ZNF676: variants seen among roughly 807,000 people sequenced by gnomAD.
ZNF676 encodes zinc finger protein 676.
ZNF676 carries 4 observed loss-of-function variants against 6.0 expected under a neutral mutation model. That is an observed-to-expected ratio of 0.67 (90% CI 0.33 to 1.53). The LOEUF (loss-of-function observed/expected upper bound fraction) is 1.53. Ranked by LOEUF, ZNF676 falls within the 40% of genes most tolerant of loss-of-function variation. The pLI, the probability that ZNF676 is intolerant of heterozygous loss-of-function variation, is 0.06. For synonymous variants in ZNF676, 198 were observed against 223.1 expected, an observed-to-expected ratio of 0.89 and a Z score of 1.00; for missense variants, 644 against 679.7, an observed-to-expected ratio of 0.95 and a Z score of 0.58.
chr19:22,223,423 T>C, the ZNF676 span, among the ~76,000 whole-genome samples: 5 of 152,162 alleles, frequency 3.3e-5, no homozygotes, highest in Non-Finnish European at 7.3e-5. Context: ...ATTACAGATA[T>C]GAGCCAGGAT....
At chr19:22,219,707 G>C (rs2024228770), upstream of ZNF676, among the ~76,000 whole-genome samples, 2 of 151,766 alleles carry the variant, frequency 1.3e-5, no homozygotes, top group Non-Finnish European at 2.9e-5. Context: ...CCAGGCTGGA[G>C]TGCAATGTCA....
At position 22,196,613 on chromosome 19, in the gene ZNF676, G is replaced by A; in HGVS notation, c.21C>T (p.Asn7=). The A allele has an allele frequency of 6.2e-7, 1 of 1,613,696 alleles. No individual in the cohort carries two copies. Among genetic ancestry groups the A allele is most frequent in the Non-Finnish European group, 8.5e-7 (1 of 1,179,662 alleles). The change falls in exon 1 of 3, where the codon AAC becomes AAT. Residue 7 remains asparagine, a synonymous_variant. Coordinates refer to ENST00000397121, the MANE Select transcript of ZNF676 (RefSeq NM_001001411.3). The part of the protein sequence containing the change: MLENYR[N]LVFLGIAAFK... The stretch of plus-strand genomic sequence containing the variant: ...AGTTATTCTCACCCAGGAAGACCAG[G>A]TTTCTGTAGTTCTCTAACATCACAT...
At chr19:22,196,512 T>G (rs148423803) in intron 1 of ZNF676, 88 bp downstream of exon 1, 2 of 1,604,008 alleles carry the variant, frequency 1.2e-6, no homozygotes, top group Non-Finnish European at 1.7e-6. Context: ...ATTCTCGCAT[T>G]CATCCTCCTT....
chr19:22,238,545 C>T, the ZNF676 span, among the ~76,000 whole-genome samples: 7 of 152,072 alleles, frequency 4.6e-5, no homozygotes, highest in South Asian at 1.5e-3. Context: ...CCCGAAACAC[C>T]AGAATCAAAA....
At chr19:22,251,546 T>G in the ZNF676 span, among the ~76,000 whole-genome samples, 1 of 152,088 alleles carries the variant, frequency 6.6e-6, no homozygotes. Context: ...TCCCAGCACT[T>G]TGGGAGGCCG....
At chr19:22,193,192 T>A in intron 1 of ZNF676, 81 bp from the exon 2 acceptor site, 1 of 1,354,116 alleles carries the variant, frequency 7.4e-7, no homozygotes, top group African/African-American at 1.5e-5. Flanking sequence ...GTAAAGAGGA[T>A]GTAATAGAAT....
the ZNF676 span, among the ~76,000 whole-genome samples, chr19:22,239,506 A>C: frequency 6.6e-6 from 1 of 152,106 alleles, no homozygotes; most frequent in East Asian, 1.9e-4. Flanking sequence ...TTGGTGTGTG[A>C]GATTTAGAAC....
chr19:22,201,976 G>T (rs2024030576), intron 1 of ZNF676, among the ~76,000 whole-genome samples: 1 of 152,070 alleles, frequency 6.6e-6, no homozygotes, highest in South Asian at 2.1e-4. Context: ...AAACATAACT[G>T]TGCTCATTTT....
the ZNF676 span, among the ~76,000 whole-genome samples, chr19:22,251,230 C>CA: frequency 6.6e-6 from 1 of 152,282 alleles, no homozygotes; most frequent in East Asian, 1.9e-4. Flanking sequence ...GCACTTTATA[C>CA]AAATAATCAG....
intron 1 of ZNF676, among the ~76,000 whole-genome samples, chr19:22,194,667 A>G (rs2023948452): frequency 6.6e-6 from 1 of 152,130 alleles, no homozygotes; most frequent in South Asian, 2.1e-4. Context: ...CTGGGCTGTA[A>G]CAATGGACAT....
At chr19:22,246,655 G>A in the ZNF676 span, among the ~76,000 whole-genome samples, 1 of 152,184 alleles carries the variant, frequency 6.6e-6, no homozygotes, top group Non-Finnish European at 1.5e-5. Context: ...TCCACTGTAG[G>A]AAGGTCTCAG....
At chr19:22,200,515 ATTTTT>A (rs3035052), upstream of ZNF676, among the ~76,000 whole-genome samples, 1 of 105,850 alleles carries the variant, frequency 9.4e-6, no homozygotes, top group Non-Finnish European at 1.8e-5. Flanking sequence ...TGCTTCATCA[ATTTTT>A]TTTTTTTTTT....
upstream of ZNF676, among the ~76,000 whole-genome samples, chr19:22,220,461 GTT>G (rs58810797): frequency 8.7e-6 from 1 of 115,406 alleles, no homozygotes; most frequent in Non-Finnish European, 1.8e-5. Context: ...TTTGTTGGCA[GTT>G]TTTTTTTTTT....
chr19:22,179,926 G>A lies in ZNF676; in HGVS notation c.*24C>T. On this transcript the variant is annotated 3_prime_UTR_variant, in exon 3 of 3. Coordinates refer to ENST00000397121, the MANE Select transcript of ZNF676 (RefSeq NM_001001411.3). ...TTTACTAGACTGAGAATCAGCTGAA[G>A]GATTTACCACATTCTTCACATTTTT... 3 of 1,604,114 alleles carry A rather than the reference G, an allele frequency of 1.9e-6. No individual in the cohort carries two copies. The highest frequency in any genetic ancestry group is 1.7e-6 in the Non-Finnish European group (2 of 1,173,616).
intron 2 of ZNF676, among the ~76,000 whole-genome samples, chr19:22,187,740 G>A (rs149591207): frequency 4.6e-4 from 70 of 151,838 alleles, no homozygotes; most frequent in African/African-American, 1.6e-3. Flanking sequence ...TACTATAAAC[G>A]TCTCTATGCA....
intron 1 of ZNF676, among the ~76,000 whole-genome samples, chr19:22,202,084 G>T (rs2024031850): frequency 1.3e-5 from 2 of 151,928 alleles, no homozygotes; most frequent in Admixed American, 1.3e-4. Context: ...TTAGAATTTG[G>T]AGCTGCAAAT....
At chr19:22,197,900 A>G (rs889172295), upstream of ZNF676, among the ~76,000 whole-genome samples, 3 of 152,190 alleles carry the variant, frequency 2.0e-5, no homozygotes, top group Admixed American at 6.5e-5. Context: ...CCCCTCTGAA[A>G]GGTAAATTAT....
intron 1 of ZNF676, among the ~76,000 whole-genome samples, chr19:22,208,226 G>A (rs531913643): frequency 4.7e-5 from 7 of 148,632 alleles, no homozygotes; most frequent in South Asian, 2.1e-4. Context: ...TCCAGAATCC[G>A]TAAGAACTAA....
chr19:22,238,562 C>T, the ZNF676 span, among the ~76,000 whole-genome samples: 1 of 152,126 alleles, frequency 6.6e-6, no homozygotes, highest in African/African-American at 2.4e-5. Context: ...AAAAAAAGAA[C>T]TCCATCCTTA....
Sources: gnomAD v4.1 joint callset for allele counts (sites outside exome capture counted in the v4.1 genomes callset) on GRCh38, gnomAD v4.1.1 for gene constraint, MANE v1.5 for transcripts, NCBI Gene and HGNC (gene_info 2026-07-23, HGNC 2026-07-21) for gene names.